The following ZNF782 variants were observed in gnomAD, a reference collection of about 807,000 sequenced individuals.
ZNF782 encodes the protein zinc finger protein 782.
In ZNF782, 12 loss-of-function variants were observed where a neutral mutation model predicts 13.0. The observed-to-expected ratio is 0.92, with a 90% confidence interval of 0.59 to 1.50. The LOEUF (loss-of-function observed/expected upper bound fraction) is 1.50. Among genes scored for constraint, ZNF782 ranks in the 40% most tolerant of loss-of-function variants. The pLI, the probability that ZNF782 is intolerant of heterozygous loss-of-function variation, is 0.00. For synonymous variants in ZNF782, 284 were observed against 283.0 expected (o/e 1.00, Z -0.04); for missense variants, 770 against 822.9 (o/e 0.94, Z 0.79).
At chr9:96,897,908 G>C in the ZNF782 span, 2 of 151,310 alleles carry the variant, frequency 1.3e-5, no homozygotes, top group Non-Finnish European at 2.9e-5. Context: ...ATAACACTAG[G>C]TCCTTAAGAA....
At chr9:96,880,868 C>CT in the ZNF782 span, among the ~76,000 whole-genome samples, 2 of 152,262 alleles carry the variant, frequency 1.3e-5, no homozygotes, top group Admixed American at 6.5e-5. Flanking sequence ...GTCATTTCAT[C>CT]TTTAAAAGTT....
rs372437901 is a variant in ZNF782, at chr9:96,852,033, C to T, written c.-44-28G>A. The T allele has an allele frequency of 8.1e-5, 120 of 1,472,512 alleles. No individual in the cohort carries two copies. The African/African-American group carries it at 1.2e-3, about 15-fold the overall frequency. 91.2% of individuals were successfully genotyped at this position (1,472,512 alleles called of 1,614,324 possible). On this transcript the variant is annotated intron_variant, in intron 2 of 5. Coordinates refer to ENST00000481138, the MANE Select transcript of ZNF782 (RefSeq NM_001001662.3). ...GGGGGGACAGAAAGAGGATGTCACACGGTCTCGCCTACCTCACAGCTCCTA... is the reference window on the plus strand; with the variant it reads ...GGGGGGACAGAAAGAGGATGTCACATGGTCTCGCCTACCTCACAGCTCCTA...
At chr9:96,870,458 C>T (rs1375248448) in intron 1 of ZNF782, among the ~76,000 whole-genome samples, 1 of 152,142 alleles carries the variant, frequency 6.6e-6, no homozygotes, top group Admixed American at 6.5e-5. Flanking sequence ...TAGAAAAGTA[C>T]TTTCAAAAGA....
At chr9:96,829,456 T>A (rs969163322) in intron 4 of ZNF782, among the ~76,000 whole-genome samples, 1 of 152,142 alleles carries the variant, frequency 6.6e-6, no homozygotes, top group Non-Finnish European at 1.5e-5. Context: ...TTTATAACAC[T>A]ACTTCAAAAT....
At chr9:96,861,879 T>C (rs1182909628) in intron 1 of ZNF782, among the ~76,000 whole-genome samples, 2 of 152,124 alleles carry the variant, frequency 1.3e-5, no homozygotes, top group South Asian at 4.1e-4. Context: ...AAAATAGAGC[T>C]ACCATATGAT....
chr9:96,835,696 TG>T (rs1423376949), intron 4 of ZNF782, among the ~76,000 whole-genome samples: 6 of 152,178 alleles, frequency 3.9e-5, no homozygotes, highest in African/African-American at 1.4e-4. Flanking sequence ...GTCCGTGTAG[TG>T]TTAATTTTGC....
At chr9:96,832,165 A>T in intron 4 of ZNF782, among the ~76,000 whole-genome samples, 1 of 151,654 alleles carries the variant, frequency 6.6e-6, no homozygotes, top group Non-Finnish European at 1.5e-5. Flanking sequence ...TTTAGTGGTT[A>T]CTCTATATAT....
chr9:96,857,388 C>T (rs1036869217), upstream of ZNF782, among the ~76,000 whole-genome samples: 1 of 152,162 alleles, frequency 6.6e-6, no homozygotes, highest in Non-Finnish European at 1.5e-5. Context: ...CTTGCTCTGC[C>T]TGATCAAGCA....
rs756709207 is a variant in ZNF782 at position 96,826,037 on chromosome 9, TC to T, written c.244+1042del. Among the ~76,000 whole-genome samples, 280 of 152,328 alleles carry T rather than the reference TC, an allele frequency of 1.8e-3. 4 individuals are homozygous for T. Among genetic ancestry groups the T allele is most frequent in the Middle Eastern group, 0.014 (4 of 294 alleles). On this transcript the variant is annotated intron_variant, in intron 5 of 5. Transcript: ENST00000481138. ...CTAGAAATACCATTTGAGCCAGCCA[TC>T]CCATTACTGGGTATATACCCAAAGG...
intron 4 of ZNF782, among the ~76,000 whole-genome samples, chr9:96,834,007 C>T (rs1049401955): frequency 7.9e-5 from 12 of 152,260 alleles, no homozygotes; most frequent in South Asian, 4.1e-4. Context: ...CATCAAAATA[C>T]ATGTTAAAAT....
At chr9:96,898,438 CATA>C in the ZNF782 span, among the ~76,000 whole-genome samples, 1 of 148,516 alleles carries the variant, frequency 6.7e-6, no homozygotes, top group Admixed American at 6.6e-5. Flanking sequence ...TTTCACTTGT[CATA>C]ATGTTTTCTG....
chr9:96,868,959 G>C (rs1366124569), intron 1 of ZNF782, among the ~76,000 whole-genome samples: 2 of 152,092 alleles, frequency 1.3e-5, no homozygotes, highest in East Asian at 3.8e-4. Flanking sequence ...GTTCCTGGCA[G>C]TGTTTATACC....
chr9:96,853,325 A>G (rs1481844958), intron 1 of ZNF782, among the ~76,000 whole-genome samples: 2 of 152,116 alleles, frequency 1.3e-5, no homozygotes, highest in Non-Finnish European at 2.9e-5. Flanking sequence ...GCTTCTGACC[A>G]TACACATCTA....
At chr9:96,891,731 GTAT>G in the ZNF782 span, 1 of 152,132 alleles carries the variant, frequency 6.6e-6, no homozygotes, top group African/African-American at 2.4e-5. Context: ...GCTAATTTTT[GTAT>G]TTTTAGTGGA....
the ZNF782 span, among the ~76,000 whole-genome samples, chr9:96,911,602 G>A: frequency 2.1e-5 from 3 of 145,858 alleles, no homozygotes; most frequent in African/African-American, 7.5e-5. Context: ...CTCACTGCAA[G>A]CTCTGCCTCC....
At chr9:96,925,204 C>T in the ZNF782 span, among the ~76,000 whole-genome samples, 10 of 152,116 alleles carry the variant, frequency 6.6e-5, no homozygotes, top group Non-Finnish European at 1.3e-4. Context: ...GGCTCCTACA[C>T]AGGCGCGCGG....
At chr9:96,852,155 T>C in intron 2 of ZNF782, 150 bp from the exon 3 acceptor site, 1 of 597,528 alleles carries the variant, frequency 1.7e-6, no homozygotes, top group Non-Finnish European at 3.0e-6. Context: ...AAGCACCACG[T>C]AGAGGTGGCA....
At chr9:96,860,808 T>A (rs959320523) in intron 2 of ZNF782, among the ~76,000 whole-genome samples, 11 of 152,260 alleles carry the variant, frequency 7.2e-5, no homozygotes, top group Non-Finnish European at 1.5e-4. Flanking sequence ...GAACTCATTT[T>A]CAACAAAGGT....
intron 4 of ZNF782, among the ~76,000 whole-genome samples, chr9:96,828,651 G>T (rs956715861): frequency 1.3e-5 from 2 of 152,138 alleles, no homozygotes; most frequent in African/African-American, 4.8e-5. Context: ...GCAACACATA[G>T]AGAGACTGGA....
Sources: allele counts gnomAD v4.1 joint callset (sites outside exome capture counted in the v4.1 genomes callset), GRCh38; gene constraint gnomAD v4.1.1; transcripts MANE v1.5; gene names NCBI Gene and HGNC (gene_info 2026-07-23, HGNC 2026-07-21).